Variants in AGBL1 observed in about 807,000 individuals in gnomAD.
The protein encoded by AGBL1 is AGBL carboxypeptidase 1, also known as cytosolic carboxypeptidase 4.
A neutral mutation model predicts 118.9 loss-of-function variants in AGBL1; 130 were observed. That is an observed-to-expected ratio of 1.09 (90% CI 0.95 to 1.26). The LOEUF is 1.26. Ranked by LOEUF, AGBL1 falls within the 50% of genes most tolerant of loss-of-function variation. AGBL1 has a pLI of 0.00. For missense variants in AGBL1, 1,584 were observed against 1,298.1 expected (o/e 1.22, Z -3.38); for synonymous variants, 555 against 478.9 (o/e 1.16, Z -2.08).
Position 86,279,809 on chromosome 15 carries a change from C to G in AGBL1, c.2220+26C>G, listed in dbSNP as rs866401495. ...GTAACTTCCTCTTTATAGCATCACT[C>G]CAGCAGGACTGAAGGGGCTCTCTGA... On this transcript the variant is annotated intron_variant, in intron 16 of 22. Transcript: ENST00000614907. 1.9e-6 allele frequency: 3 copies of G among 1,611,438 alleles called. No homozygotes were observed. In the Middle Eastern group the frequency reaches 5.0e-4, roughly 267 times the overall value.
At chr15:86,751,108 C>A (rs933782537) in intron 22 of AGBL1, among the ~76,000 whole-genome samples, 2 of 152,016 alleles carry the variant, frequency 1.3e-5, no homozygotes, top group African/African-American at 4.8e-5. Flanking sequence ...CATAAATATG[C>A]ATGTATCTTT....
chr15:86,916,334 T>A (rs531513057), downstream of AGBL1, among the ~76,000 whole-genome samples: 46 of 152,216 alleles, frequency 3.0e-4, no homozygotes, highest in South Asian at 4.1e-3. Flanking sequence ...AATTTTTTTT[T>A]AAATTTTTTA....
At chr15:86,345,696 TC>T (rs1458414689) in intron 17 of AGBL1, among the ~76,000 whole-genome samples, 1 of 152,146 alleles carries the variant, frequency 6.6e-6, no homozygotes, top group Non-Finnish European at 1.5e-5. Context: ...GTAAGTTTTT[TC>T]CCAATTGAGG....
At chr15:86,662,694 T>C (rs182529855) in intron 21 of AGBL1, among the ~76,000 whole-genome samples, 1 of 152,210 alleles carries the variant, frequency 6.6e-6, no homozygotes, top group South Asian at 2.1e-4. Context: ...TGATTTACAT[T>C]CTGGCTTAGG....
At chr15:86,926,150 C>A (rs1596641707) in intron 23 of AGBL1, among the ~76,000 whole-genome samples, 2 of 152,232 alleles carry the variant, frequency 1.3e-5, no homozygotes, top group East Asian at 3.9e-4. Context: ...CTCCCCTATT[C>A]CTTTTGCCCC....
chr15:86,772,975 C>G (rs997812040), intron 22 of AGBL1, among the ~76,000 whole-genome samples: 1 of 151,984 alleles, frequency 6.6e-6, no homozygotes, highest in South Asian at 2.1e-4. Context: ...GAACCCTTAA[C>G]GTGCAAAACT....
At chr15:86,567,700 T>C (rs771221684) in intron 21 of AGBL1, among the ~76,000 whole-genome samples, 6 of 152,152 alleles carry the variant, frequency 3.9e-5, no homozygotes, top group African/African-American at 9.6e-5. Context: ...TTCATTAATG[T>C]AATCTGAGGA....
intron 22 of AGBL1, among the ~76,000 whole-genome samples, chr15:86,881,263 CTT>C (rs144865428): frequency 1.3e-5 from 2 of 152,148 alleles, no homozygotes; most frequent in Non-Finnish European, 2.9e-5. Flanking sequence ...TCTGAAGAAA[CTT>C]TTCTTTTTTC....
At chr15:86,258,595 A>C (rs1399265265) in intron 9 of AGBL1, among the ~76,000 whole-genome samples, 1 of 152,206 alleles carries the variant, frequency 6.6e-6, no homozygotes, top group Non-Finnish European at 1.5e-5. Flanking sequence ...GTCCAATAGT[A>C]ATTATTTTAG....
chr15:86,290,061 G>A (rs892406217), intron 16 of AGBL1, among the ~76,000 whole-genome samples: 8 of 152,058 alleles, frequency 5.3e-5, no homozygotes, highest in Non-Finnish European at 1.0e-4. Flanking sequence ...TTACTATATC[G>A]ATGTAAGTTG....
chr15:86,651,967 G>C (rs1249367461), intron 21 of AGBL1, among the ~76,000 whole-genome samples: 1 of 152,042 alleles, frequency 6.6e-6, no homozygotes, highest in Admixed American at 6.6e-5. Context: ...AAAAGTCTGG[G>C]GAGTTTTTGC....
At chr15:86,583,250 C>T (rs1202647473) in intron 21 of AGBL1, among the ~76,000 whole-genome samples, 1 of 151,882 alleles carries the variant, frequency 6.6e-6, no homozygotes, top group South Asian at 2.1e-4. Flanking sequence ...GGGTACAATT[C>T]CTCCTGCCAC....
chr15:86,836,663 C>T (rs2079175244), intron 22 of AGBL1, among the ~76,000 whole-genome samples: 1 of 152,132 alleles, frequency 6.6e-6, no homozygotes, highest in Non-Finnish European at 1.5e-5. Flanking sequence ...TGACCTAGCT[C>T]TAGCCTGCCT....
intron 5 of AGBL1, among the ~76,000 whole-genome samples, chr15:86,191,107 A>G (rs1597519399): frequency 6.6e-6 from 1 of 151,770 alleles, no homozygotes; most frequent in African/African-American, 2.4e-5. Flanking sequence ...ACTTTGGGAG[A>G]CTGAGGCGGG....
chr15:86,417,645 G>A (rs1172731924), intron 18 of AGBL1, among the ~76,000 whole-genome samples: 2 of 152,260 alleles, frequency 1.3e-5, no homozygotes, highest in Non-Finnish European at 2.9e-5. Context: ...CTGAGGTCTG[G>A]GACAACTTCT....
chr15:86,238,154 CTT>C (rs2078583597), intron 6 of AGBL1, among the ~76,000 whole-genome samples: 1 of 152,166 alleles, frequency 6.6e-6, no homozygotes, highest in Non-Finnish European at 1.5e-5. Context: ...CTCTGTATCA[CTT>C]GTCTCTATGT....
rs532426401 is a variant in AGBL1, at chr15:86,324,078, C to T, written c.2374+28670C>T. ...AATAGAGTCATAAGCATGTCTCATT[C>T]AGCCATTTATTTGCTAATTTAAAAA... On this transcript the variant is annotated intron_variant, in intron 17 of 22. Coordinates refer to ENST00000614907, the MANE Select transcript of AGBL1 (RefSeq NM_001386094.1). Among the ~76,000 whole-genome samples the T allele has an allele frequency of 3.7e-4, 56 of 152,304 alleles. 2 individuals are homozygous for T. The South Asian group carries it at 0.012, about 32-fold the overall frequency.
At chr15:86,707,785 A>C (rs1375289309) in intron 22 of AGBL1, among the ~76,000 whole-genome samples, 1 of 152,178 alleles carries the variant, frequency 6.6e-6, no homozygotes, top group Non-Finnish European at 1.5e-5. Context: ...AGATCTTCTG[A>C]GCATTTTCCT....
chr15:86,525,091 C>A (rs1217379436), intron 19 of AGBL1, among the ~76,000 whole-genome samples: 1 of 151,990 alleles, frequency 6.6e-6, no homozygotes, highest in Non-Finnish European at 1.5e-5. Flanking sequence ...ATCAATAGCA[C>A]TGCTGTATAC....
Sources: allele counts gnomAD v4.1 joint callset (sites outside exome capture counted in the v4.1 genomes callset), GRCh38; gene constraint gnomAD v4.1.1; transcripts MANE v1.5; gene names NCBI Gene and HGNC (gene_info 2026-07-23, HGNC 2026-07-21).